Variants in C18orf63 observed in about 807,000 individuals in gnomAD.
C18orf63 encodes uncharacterized protein C18orf63.
A neutral mutation model predicts 75.3 loss-of-function variants in C18orf63; 50 were observed. That is an observed-to-expected ratio of 0.66 (90% CI 0.53 to 0.84). C18orf63 has a LOEUF of 0.84. Among genes scored for constraint, C18orf63 ranks in the 40% least tolerant of loss-of-function variants. C18orf63 has a pLI of 0.00. For synonymous variants in C18orf63, 232 were observed against 267.6 expected (o/e 0.87, Z 1.30); for missense variants, 732 against 800.2 (o/e 0.91, Z 1.03).
intron 7 of C18orf63, among the ~76,000 whole-genome samples, chr18:74,333,939 GAA>G (rs1428530364): frequency 3.3e-5 from 5 of 152,070 alleles, no homozygotes; most frequent in African/African-American, 9.7e-5. Flanking sequence ...CAGCTTCTCT[GAA>G]TCTCACTTTT....
In C18orf63 at chr18:74,357,261, C is replaced by G. The variant is rs1363646575; in HGVS notation, c.*814C>G. 1 of 152,168 alleles carries G rather than the reference C, an allele frequency of 6.6e-6. No homozygotes were observed. The highest frequency in any genetic ancestry group is 1.9e-4 in the East Asian group (1 of 5,192). The allele number at this position is 152,168 out of a possible 1,614,324, so 9.4% of individuals were successfully genotyped here. ...GTGTCCATGGCAGAAATGGATGAGA[C>G]AGCCGTGGCCTGAGCCCCTGAGTGC... On this transcript the variant is annotated 3_prime_UTR_variant, in exon 14 of 14. Coordinates refer to ENST00000579455, the MANE Select transcript of C18orf63 (RefSeq NM_001174123.2).
intron 7 of C18orf63, among the ~76,000 whole-genome samples, chr18:74,338,087 G>A (rs766505595): frequency 3.3e-5 from 5 of 152,162 alleles, no homozygotes; most frequent in Non-Finnish European, 7.4e-5. Flanking sequence ...CACCCTCCTT[G>A]AGGTCTCTTT....
In C18orf63 at chr18:74,336,779, C is replaced by G. The variant is rs192779019; in HGVS notation, c.502-1936C>G. Among the ~76,000 whole-genome samples, 324 of 152,186 alleles carry G rather than the reference C, an allele frequency of 2.1e-3. 1 individual carries two copies. Among genetic ancestry groups the G allele is most frequent in the Non-Finnish European group, 2.7e-3 (181 of 67,956 alleles). The stretch of plus-strand genomic sequence containing the variant: ...TTCCTCAACCCCAAATCTGTTCCCC[C>G]TGTGTAATTATTCTTTTCATTAGTG... On this transcript the variant is annotated intron_variant, in intron 7 of 13. Coordinates refer to ENST00000579455, the MANE Select transcript of C18orf63 (RefSeq NM_001174123.2).
At chr18:74,324,686 T>C (rs1472589433) in intron 4 of C18orf63, among the ~76,000 whole-genome samples, 2 of 152,234 alleles carry the variant, frequency 1.3e-5, no homozygotes, top group Non-Finnish European at 2.9e-5. Flanking sequence ...ATAGTCCTTA[T>C]ACAATAATAA....
intron 2 of C18orf63, among the ~76,000 whole-genome samples, chr18:74,319,743 C>CT (rs907067206): frequency 1.5e-4 from 22 of 151,090 alleles, no homozygotes; most frequent in East Asian, 7.8e-4. Flanking sequence ...TGCCCACCAC[C>CT]TTTTTTTTTA....
intron 1 of C18orf63, among the ~76,000 whole-genome samples, chr18:74,317,442 A>G (rs1045599079): frequency 1.3e-5 from 2 of 152,212 alleles, no homozygotes; most frequent in Non-Finnish European, 1.5e-5. Context: ...CTTTACAGAA[A>G]AATCTGAAAC....
chr18:74,328,847 AGCT>A, intron 5 of C18orf63, 145 bp from the exon 6 acceptor site: 1 of 458,528 alleles, frequency 2.2e-6, no homozygotes, highest in Non-Finnish European at 4.0e-6. Context: ...ATATTTTTTC[AGCT>A]GTCATCAGGT....
At chr18:74,328,441 G>A (rs1984245719) in intron 5 of C18orf63, among the ~76,000 whole-genome samples, 1 of 152,134 alleles carries the variant, frequency 6.6e-6, no homozygotes, top group Non-Finnish European at 1.5e-5. Context: ...TACAATTCAA[G>A]ATTCAGATGG....
chr18:74,323,432 T>C (rs1418016022), intron 4 of C18orf63, among the ~76,000 whole-genome samples: 1 of 152,190 alleles, frequency 6.6e-6, no homozygotes, highest in Non-Finnish European at 1.5e-5. Context: ...AATCTTTGAA[T>C]GACCTGAAAG....
chr18:74,356,061 T>C (rs1037739370), intron 13 of C18orf63, among the ~76,000 whole-genome samples: 5 of 152,108 alleles, frequency 3.3e-5, no homozygotes, highest in African/African-American at 1.2e-4. Flanking sequence ...TGTCTCAAAG[T>C]CAATAAATAT....
chr18:74,343,568 G>T lies in C18orf63; in HGVS notation c.844G>T (p.Val282Leu). The T allele has an allele frequency of 6.5e-7, 1 of 1,534,640 alleles. No individual in the cohort carries two copies. The highest frequency in any genetic ancestry group is 8.7e-7 in the Non-Finnish European group (1 of 1,145,868). Reference sequence around the variant, plus strand: ...TCAGCCCATGCAGTTCTTTCCAAGGGTAGATTCGGAAGTTGTGTTGAAAAG... The same window carrying T: ...TCAGCCCATGCAGTTCTTTCCAAGGTTAGATTCGGAAGTTGTGTTGAAAAG... ...RSQPMQFFPRVDSEVVLKSFL... is the reference protein window; with the variant it reads ...RSQPMQFFPRLDSEVVLKSFL... The change falls in exon 11 of 14, where the codon GTA (valine) becomes TTA (leucine). Residue 282 changes from valine (V) to leucine (L), a missense_variant. Val to Leu is a conservative substitution (Grantham distance 32, BLOSUM62 1). Coordinates refer to ENST00000579455, the MANE Select transcript of C18orf63 (RefSeq NM_001174123.2).
At chr18:74,327,841 C>T (rs28485394) in intron 4 of C18orf63, 106 bp from the exon 5 acceptor site, 6 of 674,676 alleles carry the variant, frequency 8.9e-6, no homozygotes, top group Non-Finnish European at 7.7e-6. Flanking sequence ...CTAGAACACC[C>T]GAGTTTGTTG....
rs762775008 is a variant in C18orf63 at position 74,343,701 on chromosome 18, A to T, written c.977A>T (p.Gln326Leu). 1.3e-6 allele frequency: 2 copies of T among 1,499,192 alleles called. No homozygotes were observed. The highest frequency in any genetic ancestry group is 2.5e-5 in the South Asian group (2 of 78,780). 92.9% of individuals were successfully genotyped at this position (1,499,192 alleles called of 1,614,324 possible). The part of the protein sequence containing the change: ...YTQELTKPNI[Q>L]EHKVKPPNLT... ...CAAGAACTAACTAAACCTAATATAC[A>T]GGTAAGAGATCTCTTGTCCTATCTA... The change falls in exon 11 of 14, where the codon CAG becomes CTG. Residue 326 changes from glutamine to leucine, a missense_variant and splice_region_variant. By Grantham distance (113) the Gln-to-Leu change is moderately radical. Coordinates refer to ENST00000579455, the MANE Select transcript of C18orf63 (RefSeq NM_001174123.2).
Position 74,353,851 on chromosome 18 carries a change from T to C in C18orf63, c.1584T>C (p.Ser528=). The C allele has an allele frequency of 1.3e-6, 2 of 1,535,982 alleles. No individual in the cohort carries two copies. Among genetic ancestry groups the C allele is most frequent in the Non-Finnish European group, 1.7e-6 (2 of 1,146,832 alleles). ...SSENMTKFPS[S]RGKSTVSLNK... is the part of the protein sequence containing the mutation. ...AAAATATGACAAAATTTCCCTCTTC[T>C]CGTGGAAAATCGACTGTGAGTTTAA... The change falls in exon 12 of 14, where the codon TCT becomes TCC. Residue 528 remains serine (S), a synonymous_variant. Transcript: ENST00000579455.
chr18:74,346,087 C>G (rs1241776468), intron 11 of C18orf63, among the ~76,000 whole-genome samples: 1 of 151,884 alleles, frequency 6.6e-6, no homozygotes, highest in East Asian at 1.9e-4. Flanking sequence ...TAATTTATCT[C>G]AATAATAGTT....
At chr18:74,340,645 T>C (rs1984464860) in intron 8 of C18orf63, among the ~76,000 whole-genome samples, 1 of 152,118 alleles carries the variant, frequency 6.6e-6, no homozygotes, top group Non-Finnish European at 1.5e-5. Flanking sequence ...AAGTATGTGG[T>C]ATATACACAA....
intron 1 of C18orf63, among the ~76,000 whole-genome samples, chr18:74,316,688 C>G (rs977558624): frequency 4.6e-5 from 7 of 152,128 alleles, no homozygotes; most frequent in Non-Finnish European, 8.8e-5. Flanking sequence ...GGAGCGACTC[C>G]CTGGACAGGA....
At chr18:74,344,879 A>ACATT (rs1342344641) in intron 11 of C18orf63, among the ~76,000 whole-genome samples, 1 of 152,074 alleles carries the variant, frequency 6.6e-6, no homozygotes, top group East Asian at 1.9e-4. Context: ...ACTGTGATGA[A>ACATT]CATTCTTGTA....
Position 74,354,088 on chromosome 18 carries a change from A to C in C18orf63, c.1821A>C (p.Arg607=). ...FESDGETEDP[R]LLQQQSENQA... ...CAGATGGAGAAACCGAAGATCCACG[A>C]CTGCTACAGCAGCAATCAGAAAATC... The change falls in exon 12 of 14, where the codon CGA becomes CGC. Residue 607 remains arginine, a synonymous_variant. Coordinates refer to ENST00000579455, the MANE Select transcript of C18orf63 (RefSeq NM_001174123.2). 1 of 1,536,334 alleles carries C rather than the reference A, an allele frequency of 6.5e-7. No homozygotes were observed. Among genetic ancestry groups the C allele is most frequent in the Non-Finnish European group, 8.7e-7 (1 of 1,146,958 alleles).
Sources: gnomAD v4.1 joint callset for allele counts (sites outside exome capture counted in the v4.1 genomes callset) on GRCh38, gnomAD v4.1.1 for gene constraint, MANE v1.5 for transcripts, NCBI Gene and HGNC (gene_info 2026-07-23, HGNC 2026-07-21) for gene names.